The following GSE1 variants were observed in gnomAD, a reference collection of about 807,000 sequenced individuals.
GSE1 encodes the protein Gse1 coiled-coil protein, also known as genetic suppressor element 1.
GSE1 carries 32 observed loss-of-function variants against 112.6 expected under a neutral mutation model. The observed-to-expected ratio is 0.28, with a 90% CI of 0.21 to 0.38. GSE1 has a LOEUF of 0.38. Among genes scored for constraint, GSE1 ranks in the 10% least tolerant of loss-of-function variants. GSE1 has a pLI of 1.00. For missense variants in GSE1, 2,348 were observed against 1,699.2 expected, an observed-to-expected ratio of 1.38 and a Z score of -6.71; for synonymous variants, 1,115 against 735.6, an observed-to-expected ratio of 1.52 and a Z score of -8.35.
At chr16:85,567,361 G>C (rs1228668356) in intron 1 of GSE1, among the ~76,000 whole-genome samples, 1 of 152,192 alleles carries the variant, frequency 6.6e-6, no homozygotes, top group Non-Finnish European at 1.5e-5. Context: ...GCCGGTCTCT[G>C]CCCAGCTACA....
At chr16:85,472,905 G>A (rs2050339067) in intron 2 of GSE1, among the ~76,000 whole-genome samples, 1 of 152,256 alleles carries the variant, frequency 6.6e-6, no homozygotes, top group Non-Finnish European at 1.5e-5. Flanking sequence ...ACCCTGCCAT[G>A]CCATGGCTCC....
At chr16:85,259,777 C>A (rs144899463) in intron 1 of GSE1, among the ~76,000 whole-genome samples, 2 of 152,206 alleles carry the variant, frequency 1.3e-5, no homozygotes, top group East Asian at 3.8e-4. Flanking sequence ...TGGGACCCCC[C>A]ACCCCTGCAC....
rs568416169 is a variant in GSE1, at chr16:85,397,379, C to T, written c.2464+39736C>T. Among the ~76,000 whole-genome samples the T allele has an allele frequency of 2.0e-5, 3 of 152,360 alleles. 1 individual carries two copies. The highest frequency in any genetic ancestry group is 4.1e-4 in the South Asian group (2 of 4,830). The stretch of plus-strand genomic sequence containing the variant: ...CTACTCGCTGATGCAGGTGCTGAGC[C>T]GTCTCCTGCGGGCGGTGTGTCCCCA... On this transcript the variant is annotated intron_variant, in intron 2 of 2. Coordinates refer to the GSE1 transcript ENST00000637419.
At chr16:85,241,137 G>T (rs1391381150) in intron 1 of GSE1, among the ~76,000 whole-genome samples, 1 of 152,076 alleles carries the variant, frequency 6.6e-6, no homozygotes, top group African/African-American at 2.4e-5. Flanking sequence ...ACCTGGCTCT[G>T]ATACTTCCTA....
chr16:85,551,991 C>T (rs1400968230), upstream of GSE1, among the ~76,000 whole-genome samples: 1 of 152,208 alleles, frequency 6.6e-6, no homozygotes, highest in African/African-American at 2.4e-5. Context: ...CTCTCCAAGC[C>T]CCTGCTTCGC....
chr16:85,610,777 C>G (rs1169245196), upstream of GSE1, among the ~76,000 whole-genome samples: 1 of 152,158 alleles, frequency 6.6e-6, no homozygotes, highest in Non-Finnish European at 1.5e-5. Flanking sequence ...CAGTTTGGGG[C>G]GCAGCTTGCA....
intron 2 of GSE1, among the ~76,000 whole-genome samples, chr16:85,484,052 A>G (rs776919830): frequency 2.2e-4 from 34 of 152,218 alleles, no homozygotes; most frequent in Non-Finnish European, 4.0e-4. Flanking sequence ...TTACCCCAGA[A>G]GACCCTCAGA....
In GSE1 at chr16:85,668,171, C is replaced by G; in HGVS notation, c.3162C>G (p.Asn1054Lys). ...TGGCTGTGCTGTCTGCAGAGCAGAA[C>G]CACAAGGTTGACACGTCCGTCCACT... is the stretch of plus-strand genomic sequence containing the variant. ...GSVAVLSAEQ[N>K]HKVDTSVHYN... The change falls in exon 14 of 16, where the codon AAC (asparagine) becomes AAG (lysine). Residue 1054 changes from asparagine (N) to lysine (K), a missense_variant. Asn to Lys is a moderately conservative substitution (Grantham distance 94). Coordinates refer to ENST00000253458, the MANE Select transcript of GSE1 (RefSeq NM_014615.5). 6.2e-7 allele frequency: 1 copy of G among 1,604,304 alleles called. No individual in the cohort carries two copies. The highest frequency in any genetic ancestry group is 8.5e-7 in the Non-Finnish European group (1 of 1,173,748).
At chr16:85,446,845 C>T (rs1270995223) in intron 2 of GSE1, among the ~76,000 whole-genome samples, 1 of 152,104 alleles carries the variant, frequency 6.6e-6, no homozygotes, top group African/African-American at 2.4e-5. Context: ...TCCCGAGGTT[C>T]CTCCCAGGGC....
chr16:85,371,997 A>G (rs900758), intron 2 of GSE1, among the ~76,000 whole-genome samples: 144,162 of 152,258 alleles, frequency 0.95, 68,793 homozygotes, highest in East Asian at 1. Flanking sequence ...CCGCCTCTGC[A>G]GAGCTTCCAG....
intron 1 of GSE1, among the ~76,000 whole-genome samples, chr16:85,304,977 C>G (rs184188090): frequency 3.3e-4 from 51 of 152,358 alleles, no homozygotes; most frequent in African/African-American, 1.1e-3. Flanking sequence ...CACTTCCACA[C>G]CCTTCTCAGG....
At chr16:85,558,919 G>A (rs1315583124) in intron 1 of GSE1, among the ~76,000 whole-genome samples, 1 of 152,102 alleles carries the variant, frequency 6.6e-6, no homozygotes, top group African/African-American at 2.4e-5. Flanking sequence ...GTGCAGTGGT[G>A]TGATCTCGGC....
chr16:85,574,400 C>T (rs1455705914), intron 1 of GSE1, among the ~76,000 whole-genome samples: 1 of 152,178 alleles, frequency 6.6e-6, no homozygotes, highest in East Asian at 1.9e-4. Context: ...TGACACCCGG[C>T]TGGGTCTTTC....
chr16:85,614,159 A>C (rs1301370299), intron 1 of GSE1, among the ~76,000 whole-genome samples: 3 of 84,554 alleles, frequency 3.5e-5, no homozygotes, highest in Non-Finnish European at 6.9e-5. Context: ...GCCGCCCCCC[A>C]CCCGCACTGG....
At chr16:85,616,958 T>A (rs2151594478) in intron 1 of GSE1, among the ~76,000 whole-genome samples, 1 of 152,266 alleles carries the variant, frequency 6.6e-6, no homozygotes, top group African/African-American at 2.4e-5. Context: ...AAACGCACAC[T>A]CGGGGGCCTT....
At chr16:85,381,205 G>A (rs1025880009) in intron 2 of GSE1, among the ~76,000 whole-genome samples, 4 of 152,214 alleles carry the variant, frequency 2.6e-5, no homozygotes, top group Non-Finnish European at 5.9e-5. Context: ...GAATCGTACC[G>A]TTTGTAGCCT....
intron 1 of GSE1, among the ~76,000 whole-genome samples, chr16:85,571,292 TGTG>T (rs1242767288): frequency 1.3e-5 from 2 of 152,202 alleles, no homozygotes; most frequent in Non-Finnish European, 2.9e-5. Context: ...CACCGCCTAA[TGTG>T]GTGGCCACTA....
chr16:85,300,204 G>T (rs1567672843), intron 1 of GSE1, among the ~76,000 whole-genome samples: 1 of 152,032 alleles, frequency 6.6e-6, no homozygotes, highest in African/African-American at 2.4e-5. Flanking sequence ...TAGAGACGGG[G>T]TTTCTCCATG....
chr16:85,182,106 G>A (rs571052460), intron 1 of GSE1, among the ~76,000 whole-genome samples: 1 of 152,304 alleles, frequency 6.6e-6, no homozygotes, highest in Non-Finnish European at 1.5e-5. Context: ...TTCACACCAA[G>A]CATGGGGGAC....
Sources: gnomAD v4.1 joint callset for allele counts (sites outside exome capture counted in the v4.1 genomes callset) on GRCh38, gnomAD v4.1.1 for gene constraint, MANE v1.5 for transcripts, NCBI Gene and HGNC (gene_info 2026-07-23, HGNC 2026-07-21) for gene names.